Variants in PTPRM observed in about 807,000 individuals in gnomAD.
PTPRM encodes the protein protein tyrosine phosphatase receptor type M.
Under a neutral mutation model 186.7 loss-of-function variants are expected in PTPRM, and 47 were observed. The ratio of observed to expected loss-of-function variants is 0.25; its 90% CI spans 0.20 to 0.32. The LOEUF (loss-of-function observed/expected upper bound fraction) is 0.32. PTPRM is among the 10% of genes least tolerant of loss of function. The pLI is 1.00. For missense variants in PTPRM, 1,494 were observed against 1,865.0 expected, an observed-to-expected ratio of 0.80 and a Z score of 3.66; for synonymous variants, 668 against 674.9, an observed-to-expected ratio of 0.99 and a Z score of 0.16.
chr18:7,833,740 GAAAAA>G (rs1285649987), intron 2 of PTPRM, among the ~76,000 whole-genome samples: 3,839 of 109,146 alleles, frequency 0.035, 167 homozygotes, highest in African/African-American at 0.14. Context: ...GTCTCAGAAA[GAAAAA>G]CAACAACAAC....
chr18:7,963,248 C>G (rs2053800172), intron 7 of PTPRM, among the ~76,000 whole-genome samples: 1 of 152,212 alleles, frequency 6.6e-6, no homozygotes, highest in African/African-American at 2.4e-5. Context: ...CCCTTCCTTA[C>G]AGGTGTTTAG....
intron 2 of PTPRM, among the ~76,000 whole-genome samples, chr18:7,817,981 G>A (rs1301280276): frequency 6.6e-6 from 1 of 152,226 alleles, no homozygotes; most frequent in Non-Finnish European, 1.5e-5. Context: ...GGTACACAGG[G>A]AAGGTGGTGT....
chr18:7,805,680 A>G (rs934534028), intron 2 of PTPRM, among the ~76,000 whole-genome samples: 3 of 152,188 alleles, frequency 2.0e-5, no homozygotes, highest in Admixed American at 2.0e-4. Flanking sequence ...GGAGGGCAGA[A>G]GACATGGTTT....
chr18:7,739,817 A>G (rs899636988), intron 1 of PTPRM, among the ~76,000 whole-genome samples: 20 of 152,070 alleles, frequency 1.3e-4, no homozygotes, highest in South Asian at 2.1e-4. Context: ...ATCATCTTTG[A>G]TTTTCTACAG....
intron 1 of PTPRM, among the ~76,000 whole-genome samples, chr18:7,700,567 A>C (rs1410029576): frequency 2.0e-5 from 3 of 152,264 alleles, no homozygotes; most frequent in Non-Finnish European, 4.4e-5. Context: ...CTGGGCTAAG[A>C]AACCAATGTA....
At chr18:7,869,935 G>A (rs1376081718) in intron 2 of PTPRM, among the ~76,000 whole-genome samples, 1 of 152,132 alleles carries the variant, frequency 6.6e-6, no homozygotes, top group Non-Finnish European at 1.5e-5. Flanking sequence ...CTTCCCTTAG[G>A]CTAGAGATTG....
intron 1 of PTPRM, among the ~76,000 whole-genome samples, chr18:7,652,672 A>G (rs2038742503): frequency 1.4e-5 from 2 of 147,604 alleles, no homozygotes; most frequent in Admixed American, 7.0e-5. Flanking sequence ...CAAACACCGC[A>G]TATTCTCACT....
At chr18:8,098,797 C>T (rs2091138709) in intron 11 of PTPRM, among the ~76,000 whole-genome samples, 1 of 152,108 alleles carries the variant, frequency 6.6e-6, no homozygotes, top group Non-Finnish European at 1.5e-5. Context: ...CTTCCATCCC[C>T]CACAATCACT....
At chr18:8,227,471 G>A (rs545565934) in intron 14 of PTPRM, among the ~76,000 whole-genome samples, 24 of 152,246 alleles carry the variant, frequency 1.6e-4, no homozygotes, top group South Asian at 8.3e-4. Context: ...TGAGATGCTT[G>A]GATACTTAAT....
intron 1 of PTPRM, among the ~76,000 whole-genome samples, chr18:7,708,763 G>A (rs1438325883): frequency 2.6e-5 from 4 of 151,956 alleles, no homozygotes; most frequent in Non-Finnish European, 5.9e-5. Flanking sequence ...CTTATCAGAT[G>A]AGCAAATATG....
chr18:7,651,089 A>T (rs2038692019), intron 1 of PTPRM, among the ~76,000 whole-genome samples: 1 of 151,790 alleles, frequency 6.6e-6, no homozygotes, highest in Admixed American at 6.6e-5. Flanking sequence ...CTGACATGAC[A>T]GCTGGCTAAT....
chr18:7,672,476 C>A (rs1417039500), intron 1 of PTPRM, among the ~76,000 whole-genome samples: 4 of 151,876 alleles, frequency 2.6e-5, no homozygotes, highest in Non-Finnish European at 5.9e-5. Context: ...TACCTGGAAC[C>A]CCAAAAGGAA....
At chr18:8,029,948 C>T (rs113339098) in intron 7 of PTPRM, among the ~76,000 whole-genome samples, 12 of 152,164 alleles carry the variant, frequency 7.9e-5, no homozygotes, top group African/African-American at 2.4e-4. Flanking sequence ...TTCCGTGCAC[C>T]GCAGCCTTTT....
intron 14 of PTPRM, chr18:8,155,108 A>T (rs2093092786): frequency 2.1e-5 from 3 of 146,070 alleles, no homozygotes; most frequent in African/African-American, 7.3e-5. Flanking sequence ...AAATAACTTG[A>T]ATAGGACATA....
intron 7 of PTPRM, among the ~76,000 whole-genome samples, chr18:8,003,029 C>T (rs2083960971): frequency 6.6e-6 from 1 of 152,226 alleles, no homozygotes; most frequent in African/African-American, 2.4e-5. Context: ...CTGGCATTTG[C>T]TTTTGTGCTG....
intron 21 of PTPRM, among the ~76,000 whole-genome samples, chr18:8,318,566 G>T (rs1212348909): frequency 6.6e-6 from 1 of 152,086 alleles, no homozygotes; most frequent in South Asian, 2.1e-4. Context: ...CCAAAGTGCT[G>T]GGATCACAGG....
At chr18:8,268,550 G>C (rs2094730318) in intron 19 of PTPRM, among the ~76,000 whole-genome samples, 1 of 152,024 alleles carries the variant, frequency 6.6e-6, no homozygotes, top group Non-Finnish European at 1.5e-5. Flanking sequence ...AAAAGTTGAA[G>C]ATGAGAAAAC....
chr18:7,798,228 C>T (rs1236734444), intron 2 of PTPRM, among the ~76,000 whole-genome samples: 2 of 152,078 alleles, frequency 1.3e-5, no homozygotes, highest in East Asian at 3.9e-4. Flanking sequence ...TTGAACTGTA[C>T]CCTTAAAAAT....
rs76748506 is a variant in PTPRM at position 8,122,508 on chromosome 18, A to G, written c.2167+7681A>G. Among the ~76,000 whole-genome samples the G allele has an allele frequency of 9.1e-3, 1,383 of 152,334 alleles. 21 individuals carry two copies. Among genetic ancestry groups the G allele is most frequent in the African/African-American group, 0.031 (1,291 of 41,578 alleles). ...TCTGTGTGCACATTTATATCCATGC[A>G]TTAAGTACAACTCCACTGCATGTTT... On this transcript the variant is annotated intron_variant, in intron 13 of 32. Transcript: ENST00000580170.
Sources: gnomAD v4.1 joint callset for allele counts (sites outside exome capture counted in the v4.1 genomes callset) on GRCh38, gnomAD v4.1.1 for gene constraint, MANE v1.5 for transcripts, NCBI Gene and HGNC (gene_info 2026-07-23, HGNC 2026-07-21) for gene names.